SPAG16: variants seen among roughly 807,000 people sequenced by gnomAD.
SPAG16 encodes the protein sperm associated antigen 16.
Under a neutral mutation model 80.4 loss-of-function variants are expected in SPAG16, and 86 were observed. The observed-to-expected ratio is 1.07, with a 90% confidence interval of 0.90 to 1.28. The LOEUF is 1.28. Ranked by LOEUF, SPAG16 falls within the 50% of genes most tolerant of loss-of-function variation. SPAG16 has a pLI of 0.00. For missense variants in SPAG16, 870 were observed against 765.3 expected (o/e 1.14, Z -1.61); for synonymous variants, 294 against 265.9 (o/e 1.11, Z -1.03).
At chr2:213,506,600 GGTT>G (rs2074979567) in intron 10 of SPAG16, among the ~76,000 whole-genome samples, 1 of 152,080 alleles carries the variant, frequency 6.6e-6, no homozygotes, top group Non-Finnish European at 1.5e-5. Flanking sequence ...CGTGGACTGA[GGTT>G]TATTAAATGA....
intron 15 of SPAG16, among the ~76,000 whole-genome samples, chr2:214,209,198 T>C (rs1232628309): frequency 2.0e-5 from 3 of 152,030 alleles, no homozygotes; most frequent in Non-Finnish European, 4.4e-5. Context: ...CTTCACCCAC[T>C]ATGGTAGTGT....
chr2:214,225,699 G>A (rs564310466), intron 15 of SPAG16, among the ~76,000 whole-genome samples: 4 of 152,180 alleles, frequency 2.6e-5, no homozygotes, highest in African/African-American at 9.6e-5. Flanking sequence ...CTTTGTGATT[G>A]TTGTGTGTCC....
At chr2:213,475,447 C>G (rs938873953) in intron 9 of SPAG16, among the ~76,000 whole-genome samples, 44 of 152,236 alleles carry the variant, frequency 2.9e-4, no homozygotes, top group African/African-American at 1.0e-3. Flanking sequence ...GAGGGGAGTG[C>G]AGGCTGCAGG....
At chr2:214,367,454 AAAC>A (rs1699545899) in intron 15 of SPAG16, among the ~76,000 whole-genome samples, 1 of 152,178 alleles carries the variant, frequency 6.6e-6, no homozygotes, top group Non-Finnish European at 1.5e-5. Context: ...ACTCTACATC[AAAC>A]TTAACTGACC....
chr2:213,851,664 C>T (rs1575351835), intron 10 of SPAG16, among the ~76,000 whole-genome samples: 1 of 152,194 alleles, frequency 6.6e-6, no homozygotes, highest in Non-Finnish European at 1.5e-5. Flanking sequence ...GTCTCGGCTG[C>T]CTCTTACCTT....
intron 15 of SPAG16, among the ~76,000 whole-genome samples, chr2:214,234,082 C>CG (rs398105311): frequency 3.3e-5 from 5 of 151,802 alleles, no homozygotes; most frequent in Admixed American, 6.6e-5. Context: ...TTTCCCCCCC[C>CG]ATGTGTCCAT....
At chr2:213,820,112 T>C (rs1307770051) in intron 10 of SPAG16, among the ~76,000 whole-genome samples, 1 of 151,942 alleles carries the variant, frequency 6.6e-6, no homozygotes, top group Non-Finnish European at 1.5e-5. Context: ...TCTCACTGTT[T>C]TGCCCAGGCT....
intron 10 of SPAG16, among the ~76,000 whole-genome samples, chr2:213,638,480 C>T (rs911391591): frequency 6.6e-6 from 1 of 151,986 alleles, no homozygotes; most frequent in Admixed American, 6.6e-5. Flanking sequence ...TTTTAATTTC[C>T]ATCTTGATTT....
chr2:213,896,578 A>AT (rs1481234192), intron 11 of SPAG16, among the ~76,000 whole-genome samples: 1 of 90,422 alleles, frequency 1.1e-5, no homozygotes, highest in African/African-American at 3.5e-5. Flanking sequence ...AATGTGATAT[A>AT]TACACACACA....
At chr2:214,142,738 A>G (rs1315096766) in intron 14 of SPAG16, among the ~76,000 whole-genome samples, 1 of 152,184 alleles carries the variant, frequency 6.6e-6, no homozygotes, top group Non-Finnish European at 1.5e-5. Context: ...TTAAATGTAT[A>G]GATTAACAAA....
At chr2:214,377,999 G>T (rs901067447) in intron 15 of SPAG16, among the ~76,000 whole-genome samples, 1 of 152,174 alleles carries the variant, frequency 6.6e-6, no homozygotes, top group East Asian at 1.9e-4. Flanking sequence ...CTGGAAAGAG[G>T]GAGGCAACAG....
chr2:214,252,173 G>A (rs568910413), intron 15 of SPAG16, among the ~76,000 whole-genome samples: 71 of 152,056 alleles, frequency 4.7e-4, no homozygotes, highest in African/African-American at 1.7e-3. Context: ...TGTTTCCCAG[G>A]GGCAGTATGG....
intron 11 of SPAG16, among the ~76,000 whole-genome samples, chr2:213,902,675 T>C (rs1197266867): frequency 1.3e-5 from 2 of 152,084 alleles, no homozygotes; most frequent in East Asian, 3.9e-4. Flanking sequence ...CCTCCAAATC[T>C]CACGTCCTCA....
At chr2:213,897,707 G>A (rs2077051823) in intron 11 of SPAG16, among the ~76,000 whole-genome samples, 1 of 152,142 alleles carries the variant, frequency 6.6e-6, no homozygotes, top group South Asian at 2.1e-4. Flanking sequence ...TATACCTTCA[G>A]ATGATGTGCA....
At chr2:214,097,661 ATG>A (rs148330041) in intron 13 of SPAG16, among the ~76,000 whole-genome samples, 2 of 151,496 alleles carry the variant, frequency 1.3e-5, no homozygotes, top group Non-Finnish European at 1.5e-5. Context: ...CAAACTTGCA[ATG>A]TGTGTGTGTG....
At chr2:213,726,903 C>A (rs577765606) in intron 10 of SPAG16, among the ~76,000 whole-genome samples, 4 of 152,216 alleles carry the variant, frequency 2.6e-5, no homozygotes, top group African/African-American at 9.6e-5. Context: ...AGATAGTGAA[C>A]AATATATAAT....
chr2:214,255,876 T>A (rs900860339), intron 15 of SPAG16, among the ~76,000 whole-genome samples: 1 of 151,968 alleles, frequency 6.6e-6, no homozygotes, highest in African/African-American at 2.4e-5. Flanking sequence ...AATGTGGGCA[T>A]GAGGTGTTTT....
chr2:213,345,812 C>T (rs555302467), intron 6 of SPAG16, among the ~76,000 whole-genome samples: 26 of 152,190 alleles, frequency 1.7e-4, no homozygotes, highest in Middle Eastern at 3.4e-3. Flanking sequence ...AGTCAGGTAG[C>T]GTGATGCTTC....
intron 15 of SPAG16, among the ~76,000 whole-genome samples, chr2:214,192,478 A>G (rs2057695579): frequency 6.6e-6 from 1 of 152,080 alleles, no homozygotes. Context: ...CTCAGGAGCA[A>G]AATTGAGGAG....
Sources: gnomAD v4.1 joint callset for allele counts (sites outside exome capture counted in the v4.1 genomes callset) on GRCh38, gnomAD v4.1.1 for gene constraint, MANE v1.5 for transcripts, NCBI Gene and HGNC (gene_info 2026-07-23, HGNC 2026-07-21) for gene names.